Variants in SLC39A11 observed in about 807,000 individuals in gnomAD.
SLC39A11 encodes the protein zinc transporter ZIP11.
SLC39A11 carries 33 observed loss-of-function variants against 36.1 expected under a neutral mutation model. The ratio of observed to expected loss-of-function variants is 0.91; its 90% CI spans 0.69 to 1.22. SLC39A11 has a LOEUF of 1.22. Ranked by LOEUF, SLC39A11 falls within the 50% of genes most tolerant of loss-of-function variation. The pLI is 0.00. For missense variants in SLC39A11, 432 were observed against 430.3 expected, an observed-to-expected ratio of 1.00 and a Z score of -0.03; for synonymous variants, 166 against 170.3, an observed-to-expected ratio of 0.97 and a Z score of 0.20.
intron 5 of SLC39A11, among the ~76,000 whole-genome samples, chr17:72,925,791 C>T (rs938936276): frequency 2.0e-5 from 3 of 152,358 alleles, no homozygotes; most frequent in Admixed American, 6.5e-5. Flanking sequence ...TTCCCCTCCA[C>T]CATGACATTG....
intron 3 of SLC39A11, among the ~76,000 whole-genome samples, chr17:73,059,089 ATTTC>A (rs2144166715): frequency 6.6e-6 from 1 of 152,318 alleles, no homozygotes; most frequent in South Asian, 2.1e-4. Flanking sequence ...TGTCTGAGTC[ATTTC>A]TTAGTTAAAA....
intron 4 of SLC39A11, among the ~76,000 whole-genome samples, chr17:73,027,286 C>A (rs2058588592): frequency 6.6e-6 from 1 of 152,244 alleles, no homozygotes; most frequent in Admixed American, 6.5e-5. Flanking sequence ...GGAGCATGGG[C>A]TCCAGCTGGC....
In SLC39A11 at chr17:72,923,703, C is replaced by T. The variant is rs12051895; in HGVS notation, c.430+24049G>A. Among the ~76,000 whole-genome samples the T allele has an allele frequency of 7.2e-4, 109 of 152,168 alleles. 2 individuals carry two copies. In the East Asian group the frequency reaches 0.015, roughly 21 times the overall value. On this transcript the variant is annotated intron_variant, in intron 5 of 9. Transcript: ENST00000255559. The stretch of plus-strand genomic sequence containing the variant: ...TAGGGGGATTTGGTTACTATTAGGT[C>T]CATTTGACGAAGTACTACAATAAAG...
chr17:72,816,152 G>A (rs1332108660), intron 6 of SLC39A11, among the ~76,000 whole-genome samples: 1 of 152,204 alleles, frequency 6.6e-6, no homozygotes, highest in Non-Finnish European at 1.5e-5. Flanking sequence ...TGTAGGCTGA[G>A]GAAAGTTCCT....
intron 7 of SLC39A11, among the ~76,000 whole-genome samples, chr17:72,687,564 G>A (rs2071817865): frequency 6.6e-6 from 1 of 152,174 alleles, no homozygotes; most frequent in African/African-American, 2.4e-5. Context: ...ATTGAAAACA[G>A]ATGAGAGCAA....
chr17:72,666,350 C>T (rs944790924), intron 7 of SLC39A11, among the ~76,000 whole-genome samples: 1 of 152,218 alleles, frequency 6.6e-6, no homozygotes, highest in Admixed American at 6.5e-5. Flanking sequence ...CAAGAGGAAA[C>T]TCCAAAACGG....
chr17:72,715,951 C>T (rs2073344013), intron 7 of SLC39A11, among the ~76,000 whole-genome samples: 1 of 152,132 alleles, frequency 6.6e-6, no homozygotes, highest in Non-Finnish European at 1.5e-5. Context: ...CCCGCTTCAG[C>T]CTCCCAAAGT....
chr17:72,922,195 C>T (rs1162548123), intron 5 of SLC39A11, among the ~76,000 whole-genome samples: 1 of 152,178 alleles, frequency 6.6e-6, no homozygotes, highest in Non-Finnish European at 1.5e-5. Flanking sequence ...ATCAAATGAT[C>T]ACAGAAGCAC....
intron 4 of SLC39A11, among the ~76,000 whole-genome samples, chr17:73,023,219 C>T (rs140032124): frequency 1.9e-4 from 28 of 150,020 alleles, no homozygotes; most frequent in African/African-American, 6.9e-4. Context: ...CTTTCAATCA[C>T]AGTGCCTAAA....
At position 72,947,749 on chromosome 17, in the gene SLC39A11, T is replaced by C. The variant is rs777080078; in HGVS notation, c.430+3A>G. ...AGCTTGCCTGAAAGAAGCCCAGCTC[T>C]ACCTATCCGGATGGAAAGTTCACTC... On this transcript the variant is annotated splice_donor_region_variant and intron_variant, in intron 5 of 9. Transcript: ENST00000255559. 2.3e-5 allele frequency: 37 copies of C among 1,613,796 alleles called. No individual in the cohort carries two copies. The highest frequency in any genetic ancestry group is 1.3e-4 in the East Asian group (6 of 44,890).
rs574962590 is a variant in SLC39A11, at chr17:72,757,251, A to C, written c.602-20532T>G. ...AGGCCTGAAGTGGGAGCTCGCACTA[A>C]ACTCTTAGGGGTAAGAACAGGTAAG... is the stretch of plus-strand genomic sequence containing the variant. On this transcript the variant is annotated intron_variant, in intron 6 of 9. Transcript: ENST00000255559. Among the ~76,000 whole-genome samples the C allele has an allele frequency of 2.6e-5, 4 of 152,240 alleles. No individual in the cohort carries two copies. In the East Asian group the frequency reaches 5.8e-4, roughly 22 times the overall value.
intron 6 of SLC39A11, among the ~76,000 whole-genome samples, chr17:72,818,165 G>A (rs1239553215): frequency 2.0e-5 from 3 of 152,156 alleles, no homozygotes; most frequent in Admixed American, 6.5e-5. Context: ...AACCATATCA[G>A]GGGTCCTTTC....
intron 4 of SLC39A11, among the ~76,000 whole-genome samples, chr17:73,007,712 T>A (rs2090262000): frequency 6.6e-6 from 1 of 151,910 alleles, no homozygotes; most frequent in Non-Finnish European, 1.5e-5. Context: ...AGGAGAACGG[T>A]GAACGAAGTC....
At chr17:72,681,646 G>A (rs2071514059) in intron 7 of SLC39A11, among the ~76,000 whole-genome samples, 1 of 152,162 alleles carries the variant, frequency 6.6e-6, no homozygotes, top group South Asian at 2.1e-4. Context: ...AACAACCCTT[G>A]AGCAACACAG....
At chr17:73,040,217 C>T (rs2059062117) in intron 3 of SLC39A11, among the ~76,000 whole-genome samples, 1 of 152,166 alleles carries the variant, frequency 6.6e-6, no homozygotes, top group Non-Finnish European at 1.5e-5. Flanking sequence ...CAAACTTAAA[C>T]CCATTAATAT....
intron 7 of SLC39A11, among the ~76,000 whole-genome samples, chr17:72,736,412 T>C (rs1340631264): frequency 2.6e-5 from 4 of 152,230 alleles, no homozygotes; most frequent in Non-Finnish European, 1.5e-5. Flanking sequence ...ATTCTATCCA[T>C]GCTTTGTTTC....
chr17:73,083,896 G>A (rs1050256472), intron 3 of SLC39A11, among the ~76,000 whole-genome samples: 7 of 152,126 alleles, frequency 4.6e-5, no homozygotes, highest in Non-Finnish European at 8.8e-5. Flanking sequence ...TTATTAATTT[G>A]GTAGGTATAA....
intron 5 of SLC39A11, among the ~76,000 whole-genome samples, chr17:72,883,297 T>C (rs1430160330): frequency 6.6e-6 from 1 of 152,202 alleles, no homozygotes; most frequent in Admixed American, 6.5e-5. Context: ...GGCCTGGATG[T>C]TACTATAGCT....
intron 5 of SLC39A11, among the ~76,000 whole-genome samples, chr17:72,942,856 T>C (rs1033210518): frequency 6.6e-6 from 1 of 152,056 alleles, no homozygotes; most frequent in Non-Finnish European, 1.5e-5. Flanking sequence ...AAAAATGCAA[T>C]CCTCCAAAGC....
Sources: allele counts gnomAD v4.1 joint callset (sites outside exome capture counted in the v4.1 genomes callset), GRCh38; gene constraint gnomAD v4.1.1; transcripts MANE v1.5; gene names NCBI Gene and HGNC (gene_info 2026-07-23, HGNC 2026-07-21).